HUWE1: variants seen among roughly 807,000 people sequenced by gnomAD.
HUWE1 encodes E3 ubiquitin-protein ligase HUWE1.
HUWE1 carries 18 observed loss-of-function variants against 299.4 expected under a neutral mutation model. The ratio of observed to expected loss-of-function variants is 0.06; its 90% CI spans 0.04 to 0.09. The LOEUF (loss-of-function observed/expected upper bound fraction) is 0.09, where lower values mean the gene tolerates loss of function less well. HUWE1 is among the 10% of genes least tolerant of loss of function. The pLI is 1.00. For synonymous variants in HUWE1, 1,317 were observed against 1,286.1 expected (o/e 1.02, Z -0.51); for missense variants, 1,832 against 3,462.3 (o/e 0.53, Z 11.82).
intron 49 of HUWE1, among the ~76,000 whole-genome samples, chrX:53,565,626 A>C (rs1300161447): frequency 9.1e-6 from 1 of 109,915 alleles, no homozygotes; most frequent in Non-Finnish European, 1.9e-5. Context: ...GGAACATGAT[A>C]AAAGTTTTCC....
intron 47 of HUWE1, 72 bp downstream of exon 47, chrX:53,573,678 G>A (rs1362283789): frequency 1.1e-6 from 1 of 881,594 alleles, no homozygotes; most frequent in African/African-American, 2.0e-5. Context: ...CTTCCCAGCA[G>A]TGTCTGACAC....
intron 74 of HUWE1, among the ~76,000 whole-genome samples, chrX:53,540,826 C>T (rs2061313287): frequency 2.7e-5 from 3 of 111,392 alleles, no homozygotes; most frequent in Admixed American, 1.9e-4. Flanking sequence ...TTCTCATCAA[C>T]CCCTGATCCC....
intron 42 of HUWE1, among the ~76,000 whole-genome samples, chrX:53,581,691 C>T (rs1556967996): frequency 9.0e-6 from 1 of 111,082 alleles, no homozygotes; most frequent in African/African-American, 3.3e-5. Flanking sequence ...CCAAATCAAT[C>T]ATGCCCTTTA....
intron 78 of HUWE1, 30 bp downstream of exon 78, chrX:53,537,526 G>A (rs781956661): frequency 5.8e-6 from 7 of 1,205,146 alleles, no homozygotes; most frequent in East Asian, 3.0e-5. Flanking sequence ...CCTCCCACCC[G>A]CCATCTTTTC....
At chrX:53,548,351 C>T in intron 67 of HUWE1, 78 bp from the exon 68 acceptor site, 2 of 1,112,413 alleles carry the variant, frequency 1.8e-6, no homozygotes, top group Non-Finnish European at 2.4e-6. Context: ...GAAAAGACAA[C>T]TGGTTCCCAG....
intron 17 of HUWE1, chrX:53,625,903 G>A (rs2066474301): frequency 5.6e-6 from 2 of 356,557 alleles, no homozygotes; most frequent in Admixed American, 2.9e-5. Flanking sequence ...CCGGGGCCGG[G>A]ACTGGGACCA....
Position 53,664,540 on chromosome X carries a change from T to C in HUWE1, c.-24-10409A>G, listed in dbSNP as rs979681558. On this transcript the variant is annotated intron_variant, in intron 3 of 83. Transcript: ENST00000262854. ...TGGTTGATTATTAGCAGGTAAGAGA[T>C]GTTGCACGTAAGTACGGGAGTGGGG... Among the ~76,000 whole-genome samples the C allele has an allele frequency of 1.8e-4, 20 of 111,997 alleles. 1 individual carries two copies. In the Admixed American group the frequency reaches 1.8e-3, roughly 10 times the overall value.
chrX:53,555,245 A>C (rs1028799463), intron 60 of HUWE1, among the ~76,000 whole-genome samples: 2 of 112,091 alleles, frequency 1.8e-5, no homozygotes, highest in Non-Finnish European at 3.8e-5. Flanking sequence ...CTATAGGTAC[A>C]CAGAAAATCT....
chrX:53,576,325 T>G (rs2063103400), intron 44 of HUWE1, among the ~76,000 whole-genome samples: 1 of 111,928 alleles, frequency 8.9e-6, no homozygotes, highest in Non-Finnish European at 1.9e-5. Flanking sequence ...AAACCTATGT[T>G]CCAAGCAAAT....
intron 36 of HUWE1, 133 bp from the exon 37 acceptor site, chrX:53,588,667 T>TGTTAG: frequency 3.4e-6 from 2 of 595,314 alleles, no homozygotes; most frequent in Non-Finnish European, 5.4e-6. Context: ...AAATCTAACA[T>TGTTAG]ATTTACCATA....
chrX:53,593,744 T>C, intron 31 of HUWE1, 143 bp from the exon 32 acceptor site: 3 of 482,511 alleles, frequency 6.2e-6, no homozygotes, highest in Non-Finnish European at 1.1e-5. Flanking sequence ...GTCCAACAGT[T>C]TTCAGCTATA....
chrX:53,596,530 TAC>T (rs2064484062), intron 29 of HUWE1, among the ~76,000 whole-genome samples: 1 of 112,246 alleles, frequency 8.9e-6, no homozygotes, highest in Admixed American at 9.4e-5. Flanking sequence ...TAAAATTTAG[TAC>T]ATATTATACT....
At chrX:53,573,524 T>TC (rs1202751990) in intron 47 of HUWE1, among the ~76,000 whole-genome samples, 3 of 112,409 alleles carry the variant, frequency 2.7e-5, no homozygotes, top group African/African-American at 9.7e-5. Flanking sequence ...GCCAGGCTGA[T>TC]CTCGAACTCC....
rs782457401 is a variant in HUWE1 at position 53,559,385 on chromosome X, G to C, written c.7884C>G (p.Phe2628Leu). 1.3e-5 allele frequency: 16 copies of C among 1,209,683 alleles called. No individual in the cohort carries two copies. Among genetic ancestry groups the C allele is most frequent in the Non-Finnish European group, 1.5e-5 (13 of 895,035 alleles). The change falls in exon 57 of 84, where the codon TTC (phenylalanine) becomes TTG (leucine). Residue 2628 changes from phenylalanine to leucine, a missense_variant. By Grantham distance (22) the Phe-to-Leu change is conservative. Transcript: ENST00000262854. ...RSDDELLDDF[F>L]HDQSTATSQA... is the part of the protein sequence containing the mutation. The stretch of plus-strand genomic sequence containing the variant: ...GGCTGGTAGCTGTGCTCTGATCATG[G>C]AAAAAGTCATCCAGCAGCTCATCAT...
At chrX:53,578,135 G>A (rs1556961320) in intron 43 of HUWE1, among the ~76,000 whole-genome samples, 1 of 95,159 alleles carries the variant, frequency 1.1e-5, no homozygotes, top group Non-Finnish European at 2.1e-5. Context: ...CTGCCCGGCC[G>A]CCCATCGTCT....
intron 55 of HUWE1, 98 bp downstream of exon 55, chrX:53,561,658 C>G: frequency 8.7e-7 from 1 of 1,149,055 alleles, no homozygotes; most frequent in East Asian, 3.0e-5. Flanking sequence ...AAAAGAAGTG[C>G]TGTCTGTATC....
chrX:53,648,540 C>CAAAACA (rs2068228400), intron 4 of HUWE1, among the ~76,000 whole-genome samples: 3 of 85,739 alleles, frequency 3.5e-5, no homozygotes, highest in African/African-American at 1.4e-4. Context: ...CAAAAAAAAA[C>CAAAACA]AAAAAAAAAC....
chrX:53,651,084 A>G (rs1414599935), intron 4 of HUWE1, among the ~76,000 whole-genome samples: 2 of 111,072 alleles, frequency 1.8e-5, no homozygotes, highest in African/African-American at 6.6e-5. Flanking sequence ...GCTACTGAAA[A>G]TATTAACTAC....
At position 53,589,471 on chromosome X, in the gene HUWE1, T is replaced by A. The variant is rs1222739795; in HGVS notation, c.4461+76A>T. 12 of 998,259 alleles carry A rather than the reference T, an allele frequency of 1.2e-5. No individual in the cohort carries two copies. The East Asian group carries it at 3.7e-4, about 30-fold the overall frequency. The allele number at this position is 998,259 out of a possible 1,213,427, so 82.3% of individuals were successfully genotyped here. On this transcript the variant is annotated intron_variant, in intron 36 of 83. Transcript: ENST00000262854. ...CAGGTAGAATGAAAATATGCTGATTTTTCAGAAATCAGGTTTTGACACAGG... is the reference window on the plus strand; with the variant it reads ...CAGGTAGAATGAAAATATGCTGATTATTCAGAAATCAGGTTTTGACACAGG...
Sources: allele counts gnomAD v4.1 joint callset (sites outside exome capture counted in the v4.1 genomes callset), GRCh38; gene constraint gnomAD v4.1.1; transcripts MANE v1.5; gene names NCBI Gene and HGNC (gene_info 2026-07-23, HGNC 2026-07-21).